ADAP1: variants seen among roughly 807,000 people sequenced by gnomAD.
The protein encoded by ADAP1 is arf-GAP with dual PH domain-containing protein 1.
In ADAP1, 31 loss-of-function variants were observed where a neutral mutation model predicts 54.9. The observed-to-expected ratio is 0.56, with a 90% CI of 0.42 to 0.76. The LOEUF (loss-of-function observed/expected upper bound fraction) is 0.76. Among genes scored for constraint, ADAP1 ranks in the 30% least tolerant of loss-of-function variants. The pLI is 0.00. For missense variants in ADAP1, 535 were observed against 512.4 expected (o/e 1.04, Z -0.42); for synonymous variants, 313 against 202.6 (o/e 1.55, Z -4.63).
intron 2 of ADAP1, among the ~76,000 whole-genome samples, chr7:928,022 C>G (rs959091702): frequency 7.0e-6 from 1 of 143,532 alleles, no homozygotes; most frequent in African/African-American, 2.6e-5. Flanking sequence ...TCAAGACCAG[C>G]CTGGGCAACA....
chr7:901,162 G>A (rs1844791667), intron 6 of ADAP1: 8 of 383,426 alleles, frequency 2.1e-5, no homozygotes, highest in South Asian at 1.1e-4. Context: ...AGCGTGGGGT[G>A]GGCCAGCACC....
intron 2 of ADAP1, 54 bp downstream of exon 2, chr7:935,321 G>C (rs1002849728): frequency 1.1e-5 from 17 of 1,535,516 alleles, no homozygotes; most frequent in African/African-American, 1.4e-5. Context: ...CCAGAGGCCC[G>C]GGCTGAGGCC....
intron 6 of ADAP1, chr7:901,135 G>T (rs540282080): frequency 3.1e-5 from 13 of 424,916 alleles, no homozygotes; most frequent in Admixed American, 2.6e-5. Context: ...CCAGGGAGCC[G>T]CCCTGGTCCT....
intron 5 of ADAP1, among the ~76,000 whole-genome samples, 173 bp downstream of exon 5, chr7:904,887 G>A (rs977563636): frequency 5.3e-5 from 8 of 152,348 alleles, no homozygotes; most frequent in East Asian, 1.9e-4. Context: ...GGGACGCTGG[G>A]TCCGGCACAC....
At chr7:933,140 G>A (rs984819289) in intron 2 of ADAP1, among the ~76,000 whole-genome samples, 8 of 151,858 alleles carry the variant, frequency 5.3e-5, no homozygotes, top group African/African-American at 1.2e-4. Flanking sequence ...GCGTGGTGGC[G>A]TGCACCTGCA....
Position 904,131 on chromosome 7 carries a change from C to G in ADAP1, c.643G>C (p.Gly215Arg), listed in dbSNP as rs780321785. 2 of 1,612,372 alleles carry G rather than the reference C, an allele frequency of 1.2e-6. No individual in the cohort carries two copies. The change falls in exon 6 of 11, where the codon GGG becomes CGG. Residue 215 changes from glycine to arginine, a missense_variant. By Grantham distance (125) the Gly-to-Arg change is moderately radical. Transcript: ENST00000265846. ...TRNIFIYHED[G>R]KEIVDWFNAL... ...GAGTGCTCGCCAGCACCCACCTTCC[C>G]GTCCTCATGGTAGATGAAGATGTTA... is the stretch of plus-strand genomic sequence containing the variant.
At chr7:923,699 G>T (rs1053191748) in intron 3 of ADAP1, among the ~76,000 whole-genome samples, 9 of 152,160 alleles carry the variant, frequency 5.9e-5, no homozygotes, top group African/African-American at 2.2e-4. Flanking sequence ...GTGTGTGCCG[G>T]GAGGCCGCAG....
chr7:900,701 GGCC>G (rs1328892157), intron 6 of ADAP1, 85 bp from the exon 7 acceptor site: 5,263 of 1,200,162 alleles, frequency 4.4e-3, no homozygotes, highest in Non-Finnish European at 5.5e-3. Flanking sequence ...CCCACAGAGG[GGCC>G]GCTTCCCCCA....
chr7:940,040 G>A (rs1485624333), intron 1 of ADAP1, among the ~76,000 whole-genome samples: 9 of 152,152 alleles, frequency 5.9e-5, no homozygotes, highest in Non-Finnish European at 1.2e-4. Context: ...GTCCCCCGGT[G>A]TAAAGTTAGA....
At position 938,781 on chromosome 7, in the gene ADAP1, C is replaced by G. The variant is rs559592874; in HGVS notation, c.83-3276G>C. On this transcript the variant is annotated intron_variant, in intron 1 of 10. Coordinates refer to ENST00000265846, the MANE Select transcript of ADAP1 (RefSeq NM_006869.4). This position sits in a 1 kb window ranked among gnomAD's most constrained non-coding sequence, Gnocchi z 4.4. ...GGGTGCAGTGGGGGGCCCTCCTTCT[C>G]ACCGCATGGCAATGCTGTTGGTTCT... 4.7e-4 allele frequency among the ~76,000 whole-genome samples: 71 copies of G among 152,346 alleles called. No individual in the cohort carries two copies. The highest frequency in any genetic ancestry group is 3.4e-3 in the Middle Eastern group (1 of 294).
In ADAP1 at chr7:898,932, G is replaced by A; in HGVS notation, c.1114C>T (p.His372Tyr). 6.2e-7 allele frequency: 1 copy of A among 1,608,678 alleles called. No homozygotes were observed. Among genetic ancestry groups the A allele is most frequent in the South Asian group, 1.1e-5 (1 of 90,492 alleles). ...QEYAVEAHFK[H>Y]KP ...TCCAGCCGCACTCGCTAAGGTTTAT[G>A]CTTGAAGTGCGCCTCCACTGCAACG... Residue 372 changes from histidine to tyrosine, a missense_variant, in exon 11 of 11, where the codon CAT becomes TAT. His to Tyr is a moderately conservative substitution (Grantham distance 83, BLOSUM62 2). Coordinates refer to ENST00000265846, the MANE Select transcript of ADAP1 (RefSeq NM_006869.4).
rs1844634294 is a variant in ADAP1 at position 898,850 on chromosome 7, C to G, written c.*71G>C. ...GCCAGGTGGCCTCAGGACGCCAGAG[C>G]CCCCCCATCCACGGGTCCCCTCCGT... On this transcript the variant is annotated 3_prime_UTR_variant, in exon 11 of 11. Transcript: ENST00000265846. 1 of 1,545,024 alleles carries G rather than the reference C, an allele frequency of 6.5e-7. No individual in the cohort carries two copies. Among genetic ancestry groups the G allele is most frequent in the Admixed American group, 1.9e-5 (1 of 51,452 alleles).
At chr7:904,943 C>A (rs531882191) in intron 5 of ADAP1, 117 bp downstream of exon 5, 9 of 853,994 alleles carry the variant, frequency 1.1e-5, no homozygotes, top group African/African-American at 1.7e-5. Flanking sequence ...GCGTCCCCAT[C>A]GGGGGGGGCA....
chr7:927,576 G>T, intron 2 of ADAP1: 1 of 456,104 alleles, frequency 2.2e-6, no homozygotes, highest in Non-Finnish European at 4.5e-6. Context: ...GCAGTAAACA[G>T]GGAGGGCCCA....
At position 899,503 on chromosome 7, in the gene ADAP1, G is replaced by C. The variant is rs1425978010; in HGVS notation, c.796-13C>G. 1.9e-6 allele frequency: 3 copies of C among 1,611,732 alleles called. No individual in the cohort carries two copies. The highest frequency in any genetic ancestry group is 2.5e-6 in the Non-Finnish European group (3 of 1,179,408). On this transcript the variant is annotated splice_polypyrimidine_tract_variant and intron_variant, in intron 8 of 10. Transcript: ENST00000265846. ...AGCCTTCCGTTTGCTGTGGGTCAGA[G>C]AGGGCCCGTGACCGGCAGGTCGCCG...
In ADAP1 at chr7:946,614, C is replaced by T. The variant is rs538439689; in HGVS notation, c.82+7782G>A. 6.6e-5 allele frequency among the ~76,000 whole-genome samples: 10 copies of T among 151,882 alleles called. No individual in the cohort carries two copies. Among genetic ancestry groups the T allele is most frequent in the Non-Finnish European group, 1.0e-4 (7 of 67,872 alleles). On this transcript the variant is annotated intron_variant, in intron 1 of 10. Coordinates refer to ENST00000265846, the MANE Select transcript of ADAP1 (RefSeq NM_006869.4). The surrounding 1 kb of genome is among the most constrained non-coding windows in gnomAD (Gnocchi z 4.3). ...CTCCAGCCCCATGGCGGGAACCCCA[C>T]GGTGAAGGCCATCCCCAGTCCTCCC...
chr7:904,030 C>G, intron 6 of ADAP1, 96 bp downstream of exon 6: 1 of 1,539,672 alleles, frequency 6.5e-7, no homozygotes, highest in Non-Finnish European at 8.8e-7. Context: ...AGTGCCTACC[C>G]TCCCGTACCG....
At chr7:930,866 A>C (rs1846551842) in intron 2 of ADAP1, among the ~76,000 whole-genome samples, 2 of 150,480 alleles carry the variant, frequency 1.3e-5, no homozygotes, top group Non-Finnish European at 3.0e-5. Flanking sequence ...GGTCCTAGCT[A>C]CTCCTTGGGA....
chr7:904,754 G>A (rs1209310837), intron 5 of ADAP1, among the ~76,000 whole-genome samples: 1 of 152,228 alleles, frequency 6.6e-6, no homozygotes, highest in African/African-American at 2.4e-5. Context: ...GGCTTTCTGG[G>A]GTCCTGGCTG....
Sources: gnomAD v4.1 joint callset for allele counts (sites outside exome capture counted in the v4.1 genomes callset) on GRCh38, gnomAD v4.1.1 for gene constraint, Gnocchi (gnomAD v3.1) non-coding constraint, MANE v1.5 for transcripts, NCBI Gene and HGNC (gene_info 2026-07-23, HGNC 2026-07-21) for gene names.